KCNMB4: variants seen among roughly 807,000 people sequenced by gnomAD.
KCNMB4 encodes calcium-activated potassium channel subunit beta-4.
KCNMB4 carries 3 observed loss-of-function variants against 20.7 expected under a neutral mutation model. The observed-to-expected ratio is 0.14, with a 90% CI of 0.07 to 0.37. The LOEUF is 0.37. Ranked by LOEUF, KCNMB4 falls within the 10% of genes least tolerant of loss-of-function variation. The probability of loss-of-function intolerance (pLI) is 1.00; values close to 1 mark genes in which losing one functional copy is unlikely to be tolerated. For synonymous variants in KCNMB4, 110 were observed against 113.4 expected (o/e 0.97, Z 0.19); for missense variants, 168 against 265.9 (o/e 0.63, Z 2.56).
chr12:70,380,627 C>T (rs1883768701), intron 1 of KCNMB4, among the ~76,000 whole-genome samples: 1 of 150,628 alleles, frequency 6.6e-6, no homozygotes. Flanking sequence ...ACCTACCAAC[C>T]TATGGAATAG....
At position 70,379,001 on chromosome 12, in the gene KCNMB4, T is replaced by C. The variant is rs78220773; in HGVS notation, c.336+11931T>C. The stretch of plus-strand genomic sequence containing the variant: ...GAGGTACACTGTCAGTTAGCAGTAG[T>C]ATTTTGAAAGGAATCTTTTTTTCTG... On this transcript the variant is annotated intron_variant, in intron 1 of 2. Transcript: ENST00000258111. Among the ~76,000 whole-genome samples the C allele has an allele frequency of 7.1e-3, 1,083 of 152,322 alleles. 7 individuals carry two copies. Among genetic ancestry groups the C allele is most frequent in the African/African-American group, 0.023 (974 of 41,548 alleles).
In KCNMB4 at chr12:70,433,284, G is replaced by A. The variant is rs1363199326; in HGVS notation, c.*2631G>A. 6.6e-6 allele frequency: 1 copy of A among 152,154 alleles called. No individual in the cohort carries two copies. The highest frequency in any genetic ancestry group is 1.5e-5 in the Non-Finnish European group (1 of 68,028). 9.4% of individuals were successfully genotyped at this position (152,154 alleles called of 1,614,324 possible). A position where few individuals can be genotyped will look rare whatever the true frequency, so the allele number is the denominator to read the frequency against. ...GAGACCCCAAAATATGATGGCTCATGTAAGATAATTTATTTTTTTCTCACA... is the reference window on the plus strand; with the variant it reads ...GAGACCCCAAAATATGATGGCTCATATAAGATAATTTATTTTTTTCTCACA... On this transcript the variant is annotated 3_prime_UTR_variant, in exon 3 of 3. Coordinates refer to ENST00000258111, the MANE Select transcript of KCNMB4 (RefSeq NM_014505.6).
intron 1 of KCNMB4, among the ~76,000 whole-genome samples, chr12:70,398,403 T>A (rs1868376669): frequency 6.6e-6 from 1 of 152,178 alleles, no homozygotes; most frequent in African/African-American, 2.4e-5. Context: ...TGGAGCCCTA[T>A]CTAATGGTCT....
intron 2 of KCNMB4, among the ~76,000 whole-genome samples, chr12:70,409,920 T>C (rs1168498566): frequency 6.6e-6 from 1 of 152,316 alleles, no homozygotes; most frequent in South Asian, 2.1e-4. Context: ...TAAAATGTAG[T>C]GAGCAGCCAG....
In KCNMB4 at chr12:70,400,143, A is replaced by T. The variant is rs1282648653; in HGVS notation, c.337-66A>T. On this transcript the variant is annotated intron_variant, in intron 1 of 2. Transcript: ENST00000258111. ...TGTCTTTATAATGCCATCTTTCTAT[A>T]AAAAAAGACTGTATCTCAATGTTCC... 7.2e-6 allele frequency: 9 copies of T among 1,251,206 alleles called. No individual in the cohort carries two copies. In the Admixed American group the frequency reaches 1.3e-4, roughly 19 times the overall value. 77.5% of individuals were successfully genotyped at this position (1,251,206 alleles called of 1,614,324 possible). A position where few individuals can be genotyped will look rare whatever the true frequency, so the allele number is the denominator to read the frequency against.
intron 2 of KCNMB4, among the ~76,000 whole-genome samples, chr12:70,403,050 C>G (rs1221508467): frequency 6.6e-6 from 1 of 152,178 alleles, no homozygotes; most frequent in African/African-American, 2.4e-5. Flanking sequence ...AGTGTTACAT[C>G]TCTTAAGTCA....
chr12:70,383,796 C>T (rs1346219910), intron 1 of KCNMB4, among the ~76,000 whole-genome samples: 2 of 152,176 alleles, frequency 1.3e-5, no homozygotes, highest in African/African-American at 2.4e-5. Context: ...CAGCCAGGTG[C>T]GGTGGCTTAC....
chr12:70,416,011 C>T (rs1296367096), intron 2 of KCNMB4, among the ~76,000 whole-genome samples: 1 of 152,134 alleles, frequency 6.6e-6, no homozygotes, highest in African/African-American at 2.4e-5. Context: ...TTTTAAAATG[C>T]CCAAATAAAC....
Position 70,433,968 on chromosome 12 carries a change from G to C in KCNMB4, c.*3315G>C, listed in dbSNP as rs1449366478. On this transcript the variant is annotated 3_prime_UTR_variant, in exon 3 of 3. Transcript: ENST00000258111. Reference sequence around the variant, plus strand: ...GAAAAATATACGCTTTTATAGGCCGGGGTTTTAGTTCATTTGACTGTAATA... The same window carrying C: ...GAAAAATATACGCTTTTATAGGCCGCGGTTTTAGTTCATTTGACTGTAATA... 6.6e-6 allele frequency: 1 copy of C among 152,208 alleles called. No homozygotes were observed. The highest frequency in any genetic ancestry group is 2.4e-5 in the African/African-American group (1 of 41,452). 9.4% of individuals were successfully genotyped at this position (152,208 alleles called of 1,614,324 possible). A position where few individuals can be genotyped will look rare whatever the true frequency, so the allele number is the denominator to read the frequency against.
chr12:70,422,027 T>TGAC (rs1327792147), intron 2 of KCNMB4, among the ~76,000 whole-genome samples: 4 of 152,314 alleles, frequency 2.6e-5, no homozygotes, highest in African/African-American at 7.2e-5. Flanking sequence ...AAATGGCATG[T>TGAC]ATTGTCCCAA....
chr12:70,368,037 C>T (rs7304771), intron 1 of KCNMB4, among the ~76,000 whole-genome samples: 60,052 of 151,858 alleles, frequency 0.4, 13,364 homozygotes, highest in African/African-American at 0.61. Context: ...GGTTCCGTTT[C>T]TACTTCCCTT....
At chr12:70,411,878 G>A (rs914519129) in intron 2 of KCNMB4, among the ~76,000 whole-genome samples, 42 of 152,234 alleles carry the variant, frequency 2.8e-4, no homozygotes, top group African/African-American at 9.9e-4. Context: ...CTTAAGGGCA[G>A]TGGAGGAGTG....
Position 70,430,715 on chromosome 12 carries a change from T to C in KCNMB4, c.*62T>C. On this transcript the variant is annotated 3_prime_UTR_variant, in exon 3 of 3. Transcript: ENST00000258111. ...CTGTACTCATCGGCACGCGTCCACC[T>C]GCGGAACCTGTGTTTCCTGGCGCAG... 6.9e-7 allele frequency: 1 copy of C among 1,456,200 alleles called. No individual in the cohort carries two copies. The highest frequency in any genetic ancestry group is 2.6e-5 in the East Asian group (1 of 38,992). 90.2% of individuals were successfully genotyped at this position (1,456,200 alleles called of 1,614,324 possible). A position where few individuals can be genotyped will look rare whatever the true frequency, so the allele number is the denominator to read the frequency against.
chr12:70,430,197 A>G (rs1485965505), intron 2 of KCNMB4, among the ~76,000 whole-genome samples: 1 of 152,198 alleles, frequency 6.6e-6, no homozygotes, highest in Admixed American at 6.5e-5. Flanking sequence ...AGTGGAATAC[A>G]TTAAGTAACT....
intron 2 of KCNMB4, among the ~76,000 whole-genome samples, chr12:70,411,213 A>G (rs1868764668): frequency 1.3e-5 from 2 of 152,190 alleles, no homozygotes; most frequent in African/African-American, 2.4e-5. Flanking sequence ...AAGATGCTAG[A>G]TAAAATCCTA....
At chr12:70,391,449 T>C (rs1868298540) in intron 1 of KCNMB4, among the ~76,000 whole-genome samples, 1 of 152,054 alleles carries the variant, frequency 6.6e-6, no homozygotes, top group African/African-American at 2.4e-5. Context: ...ACTAAAGACA[T>C]ATACCAGTAC....
chr12:70,367,520 T>C (rs1883516987), intron 1 of KCNMB4, among the ~76,000 whole-genome samples: 1 of 152,148 alleles, frequency 6.6e-6, no homozygotes, highest in South Asian at 2.1e-4. Flanking sequence ...CCTTGAAAGG[T>C]CGAGGGGACT....
rs549891081 is a variant in KCNMB4 at position 70,393,793 on chromosome 12, A to T, written c.337-6416A>T. Among the ~76,000 whole-genome samples, 3 of 151,414 alleles carry T rather than the reference A, an allele frequency of 2.0e-5. No homozygotes were observed. The South Asian group carries it at 6.3e-4, about 32-fold the overall frequency. Reference sequence around the variant, plus strand: ...AATTCTTCAGTGAATAGTAGGTCAGATAATTTGGGCATTTTCCAACGCCAT... The same window carrying T: ...AATTCTTCAGTGAATAGTAGGTCAGTTAATTTGGGCATTTTCCAACGCCAT... On this transcript the variant is annotated intron_variant, in intron 1 of 2. Coordinates refer to ENST00000258111, the MANE Select transcript of KCNMB4 (RefSeq NM_014505.6).
At chr12:70,414,840 A>G (rs1228234284) in intron 2 of KCNMB4, among the ~76,000 whole-genome samples, 1 of 152,194 alleles carries the variant, frequency 6.6e-6, no homozygotes, top group Non-Finnish European at 1.5e-5. Context: ...ATGTGACTAC[A>G]TCTTGTTGCT....
Sources: gnomAD v4.1 joint callset for allele counts (sites outside exome capture counted in the v4.1 genomes callset) on GRCh38, gnomAD v4.1.1 for gene constraint, MANE v1.5 for transcripts, NCBI Gene and HGNC (gene_info 2026-07-23, HGNC 2026-07-21) for gene names.